ABCG8: variants seen among roughly 807,000 people sequenced by gnomAD.
The protein encoded by ABCG8 is ATP-binding cassette sub-family G member 8.
ABCG8 carries 81 observed loss-of-function variants against 71.3 expected under a neutral mutation model. The observed-to-expected ratio is 1.14, with a 90% confidence interval of 0.95 to 1.37. The LOEUF (loss-of-function observed/expected upper bound fraction) is 1.37, where lower values mean the gene tolerates loss of function less well. Among genes scored for constraint, ABCG8 ranks in the 40% most tolerant of loss-of-function variants. The pLI, the probability that ABCG8 is intolerant of heterozygous loss-of-function variation, is 0.00. For synonymous variants in ABCG8, 451 were observed against 354.7 expected, an observed-to-expected ratio of 1.27 and a Z score of -3.05; for missense variants, 1,119 against 866.2, an observed-to-expected ratio of 1.29 and a Z score of -3.66.
intron 1 of ABCG8, 25 bp from the exon 2 acceptor site, chr2:43,844,482 C>A (rs373021840): frequency 3.8e-6 from 6 of 1,575,054 alleles, no homozygotes; most frequent in Non-Finnish European, 5.2e-6. Context: ...CTAAAGGAGC[C>A]CCTCATCTCT....
intron 6 of ABCG8, among the ~76,000 whole-genome samples, chr2:43,858,336 C>T (rs1669184876): frequency 6.7e-6 from 1 of 148,624 alleles, no homozygotes. Context: ...CTTGATAGAA[C>T]TCTTACTAAC....
At chr2:43,855,396 C>A (rs948683319) in intron 6 of ABCG8, among the ~76,000 whole-genome samples, 3 of 152,122 alleles carry the variant, frequency 2.0e-5, no homozygotes, top group African/African-American at 7.2e-5. Flanking sequence ...ATAGAATTCT[C>A]ACTCTGGGGA....
At chr2:43,849,021 TAAAAAAAAAA>T (rs1193216137) in intron 3 of ABCG8, among the ~76,000 whole-genome samples, 6 of 54,712 alleles carry the variant, frequency 1.1e-4, no homozygotes, top group African/African-American at 3.9e-4. Flanking sequence ...AAACACTGTC[TAAAAAAAAAA>T]AAAAAAAAAA....
At position 43,872,251 on chromosome 2, in the gene ABCG8, CTCCCGAG is replaced by C; in HGVS notation, c.1160_1166del (p.Pro387LeufsTer14). On this transcript the variant is annotated frameshift_variant, in exon 8 of 13. Coordinates refer to ENST00000272286, the MANE Select transcript of ABCG8 (RefSeq NM_022437.3). LOFTEE classifies it high-confidence loss of function. ...CGTGACCCCACTAGACACCAACTGC[CTCCCGAG>C]TCCTACGAAGATGCCTGGGGCGGTG... is the stretch of plus-strand genomic sequence containing the variant. 1.2e-6 allele frequency: 2 copies of C among 1,614,026 alleles called. No homozygotes were observed. The highest frequency in any genetic ancestry group is 1.7e-6 in the Non-Finnish European group (2 of 1,180,044).
intron 6 of ABCG8, among the ~76,000 whole-genome samples, chr2:43,869,667 C>A (rs142832202): frequency 1.3e-5 from 2 of 152,156 alleles, no homozygotes; most frequent in African/African-American, 4.8e-5. Flanking sequence ...ATTTCTCTAT[C>A]TATCTGGATA....
At chr2:43,846,040 A>C in intron 2 of ABCG8, 115 bp from the exon 3 acceptor site, 1 of 1,093,368 alleles carries the variant, frequency 9.1e-7, no homozygotes, top group South Asian at 1.3e-5. Flanking sequence ...TGTGTAGGTG[A>C]GGACATATCC....
intron 8 of ABCG8, among the ~76,000 whole-genome samples, chr2:43,873,324 G>A (rs549769536): frequency 2.0e-3 from 306 of 152,048 alleles, no homozygotes; most frequent in Non-Finnish European, 1.1e-3. Context: ...AAGTAGCTGG[G>A]ATTACAGGTG....
At chr2:43,853,678 C>G (rs1201413079) in intron 6 of ABCG8, among the ~76,000 whole-genome samples, 1 of 152,192 alleles carries the variant, frequency 6.6e-6, no homozygotes, top group Admixed American at 6.5e-5. Flanking sequence ...CTCAAAGGGT[C>G]TCCTGTTTGA....
rs1199531123 is a variant in ABCG8 at position 43,839,075 on chromosome 2, G to A, written c.22G>A (p.Glu8Lys). MAGKAAEERGLPKGATPQ... is the reference protein window; with the variant it reads MAGKAAEKRGLPKGATPQ... ...CCCCATGGCCGGGAAGGCGGCAGAG[G>A]AGAGAGGGCTGCCGAAAGGGGCCAC... The change falls in exon 1 of 13, where the codon GAG becomes AAG. Residue 8 changes from glutamate to lysine, a missense_variant. Glu to Lys is a moderately conservative substitution (Grantham distance 56, BLOSUM62 1). Transcript: ENST00000272286. 1.3e-6 allele frequency: 2 copies of A among 1,551,202 alleles called. No individual in the cohort carries two copies. The highest frequency in any genetic ancestry group is 3.9e-5 in the Admixed American group (2 of 51,000).
intron 6 of ABCG8, among the ~76,000 whole-genome samples, chr2:43,868,558 G>C (rs13421669): frequency 0.49 from 74,316 of 151,592 alleles, 18,783 homozygotes; most frequent in East Asian, 0.86. Context: ...ATAGAATTCT[G>C]ACCAGCTGGA....
chr2:43,877,910 G>C lies in ABCG8; in HGVS notation c.2019G>C (p.Trp673Cys), dbSNP rs762565039. ...RFIKQKPSQD[W>C] The stretch of plus-strand genomic sequence containing the variant: ...TCAAACAGAAACCAAGTCAAGACTG[G>C]TGATTCACGCCAGACGTCTGCCCGC... Residue 673 changes from tryptophan (W) to cysteine (C), a missense_variant, in exon 13 of 13, where the codon TGG (tryptophan) becomes TGC (cysteine). Physicochemically the swap from Trp to Cys is radical, Grantham distance 215. Transcript: ENST00000272286. 5 of 1,614,138 alleles carry C rather than the reference G, an allele frequency of 3.1e-6. No individual in the cohort carries two copies. The South Asian group carries it at 3.3e-5, about 11-fold the overall frequency.
rs557661534 is a variant in ABCG8 at position 43,860,489 on chromosome 2, C to T, written c.964+7621C>T. Among the ~76,000 whole-genome samples the T allele has an allele frequency of 4.0e-5, 6 of 150,006 alleles. No homozygotes were observed. The South Asian group carries it at 1.1e-3, about 26-fold the overall frequency. On this transcript the variant is annotated intron_variant, in intron 6 of 12. Transcript: ENST00000272286. Reference sequence around the variant, plus strand: ...ACTCTCACTATCTTTCTGGATGGAACTCTCACCCTCTAGATAGAACTCTCA... The same window carrying T: ...ACTCTCACTATCTTTCTGGATGGAATTCTCACCCTCTAGATAGAACTCTCA...
At chr2:43,846,085 C>T in intron 2 of ABCG8, 70 bp from the exon 3 acceptor site, 1 of 1,570,012 alleles carries the variant, frequency 6.4e-7, no homozygotes. Context: ...AACGAAGATG[C>T]TGAACAGAAG....
intron 6 of ABCG8, among the ~76,000 whole-genome samples, chr2:43,865,747 C>A (rs899046709): frequency 6.6e-6 from 1 of 151,348 alleles, no homozygotes; most frequent in Admixed American, 6.6e-5. Context: ...AATTCTTAAT[C>A]TCTGGATAGA....
In ABCG8 at chr2:43,875,179, A is replaced by G. The variant is rs1553383983; in HGVS notation, c.1522A>G (p.Ile508Val). ...LGELPEHCAYIIIYGMPTYWL... is the reference protein window; with the variant it reads ...LGELPEHCAYVIIYGMPTYWL... ...GGAGCTTCCGGAGCACTGTGCCTACATCATCATCTACGGGATGCCCACCTA... is the reference window on the plus strand; with the variant it reads ...GGAGCTTCCGGAGCACTGTGCCTACGTCATCATCTACGGGATGCCCACCTA... Residue 508 changes from isoleucine (I) to valine (V), a missense_variant, in exon 11 of 13, where the codon ATC (isoleucine) becomes GTC (valine). Transcript: ENST00000272286. The G allele has an allele frequency of 7.4e-6, 12 of 1,614,224 alleles. No homozygotes were observed. Among genetic ancestry groups the G allele is most frequent in the Non-Finnish European group, 1.0e-5 (12 of 1,180,032 alleles).
At chr2:43,843,859 A>T (rs1368159808) in intron 1 of ABCG8, among the ~76,000 whole-genome samples, 1 of 152,226 alleles carries the variant, frequency 6.6e-6, no homozygotes, top group Non-Finnish European at 1.5e-5. Context: ...CATGATGATG[A>T]TGATGAGAGG....
rs1479091337 is a variant in ABCG8, at chr2:43,844,407, G to A, written c.64-100G>A. On this transcript the variant is annotated intron_variant, in intron 1 of 12. Coordinates refer to ENST00000272286, the MANE Select transcript of ABCG8 (RefSeq NM_022437.3). ...TGCCAATTTGAGATTTAACCACGTC[G>A]GCTCTAAGAAGTTGCTCTCACCTGT... 3.5e-5 allele frequency: 32 copies of A among 901,596 alleles called. 1 individual carries two copies. Among genetic ancestry groups the A allele is most frequent in the South Asian group, 1.9e-4 (14 of 71,854 alleles). The allele number at this position is 901,596 out of a possible 1,614,324, so 55.8% of individuals were successfully genotyped here. A position where few individuals can be genotyped will look rare whatever the true frequency, so the allele number is the denominator to read the frequency against.
intron 3 of ABCG8, among the ~76,000 whole-genome samples, chr2:43,850,029 G>C (rs538253661): frequency 3.3e-5 from 5 of 152,104 alleles, no homozygotes; most frequent in Admixed American, 3.3e-4. Context: ...GTGAAACCCC[G>C]TCGCTGCTAA....
rs201782758 is a variant in ABCG8 at position 43,852,527 on chromosome 2, C to A, written c.694+41C>A. ...GCAGATGGGGGCAGAGGGACCTGTG[C>A]GGTCCCCTCAGGCTTGGCTTGGTCT... is the stretch of plus-strand genomic sequence containing the variant. On this transcript the variant is annotated intron_variant, in intron 5 of 12. Coordinates refer to ENST00000272286, the MANE Select transcript of ABCG8 (RefSeq NM_022437.3). 11 of 1,612,778 alleles carry A rather than the reference C, an allele frequency of 6.8e-6. No individual in the cohort carries two copies. The African/African-American group carries it at 1.5e-4, about 22-fold the overall frequency.
Sources: allele counts gnomAD v4.1 joint callset (sites outside exome capture counted in the v4.1 genomes callset), GRCh38; gene constraint gnomAD v4.1.1; transcripts MANE v1.5; gene names NCBI Gene and HGNC (gene_info 2026-07-23, HGNC 2026-07-21).